Variants in AGPAT4 observed in about 807,000 individuals in gnomAD.
AGPAT4 encodes the protein 1-acyl-sn-glycerol-3-phosphate acyltransferase delta.
Under a neutral mutation model 48.0 loss-of-function variants are expected in AGPAT4, and 15 were observed. That is an observed-to-expected ratio of 0.31 (90% CI 0.21 to 0.48). The LOEUF is 0.48. Ranked by LOEUF, AGPAT4 falls within the 20% of genes least tolerant of loss-of-function variation. AGPAT4 has a pLI of 0.99. For missense variants in AGPAT4, 314 were observed against 482.5 expected (o/e 0.65, Z 3.27); for synonymous variants, 178 against 198.7 (o/e 0.90, Z 0.88).
At chr6:161,263,247 A>C (rs931592041) in intron 1 of AGPAT4, among the ~76,000 whole-genome samples, 1 of 152,190 alleles carries the variant, frequency 6.6e-6, no homozygotes, top group Admixed American at 6.5e-5. Flanking sequence ...GCTCTCTTTA[A>C]AAAGACAAAC....
chr6:161,246,580 T>C lies in AGPAT4; in HGVS notation c.-89-14278A>G, dbSNP rs1275916253. On this transcript the variant is annotated intron_variant, in intron 1 of 8. Transcript: ENST00000320285. This position sits in a 1 kb window ranked among gnomAD's most constrained non-coding sequence, Gnocchi z 5.5. ...ATGCGCCACCACGCCCAGCTAATTT[T>C]GTATTTTTAGTCTAGATGGGGTTTC... Among the ~76,000 whole-genome samples, 1 of 152,162 alleles carries C rather than the reference T, an allele frequency of 6.6e-6. No individual in the cohort carries two copies. The highest frequency in any genetic ancestry group is 2.4e-5 in the African/African-American group (1 of 41,438).
intron 1 of AGPAT4, among the ~76,000 whole-genome samples, chr6:161,257,792 A>T (rs1195431859): frequency 6.6e-6 from 1 of 152,214 alleles, no homozygotes; most frequent in Non-Finnish European, 1.5e-5. Context: ...TTTCATATGG[A>T]AGTGAATACA....
At position 161,218,869 on chromosome 6, in the gene AGPAT4, A is replaced by G. The variant is rs976507389; in HGVS notation, c.178+13167T>C. On this transcript the variant is annotated intron_variant, in intron 2 of 8. Transcript: ENST00000320285. This position sits in a 1 kb window ranked among gnomAD's most constrained non-coding sequence, Gnocchi z 4.7. ...TGTATCTACCAAACAGTATGATAAA[A>G]CACTGTATCTACCAAACAGTATGAT... Among the ~76,000 whole-genome samples the G allele has an allele frequency of 8.5e-5, 13 of 152,236 alleles. No homozygotes were observed. The highest frequency in any genetic ancestry group is 7.9e-4 in the Admixed American group (12 of 15,286).
chr6:161,223,118 A>G lies in AGPAT4; in HGVS notation c.178+8918T>C, dbSNP rs1583344250. Among the ~76,000 whole-genome samples the G allele has an allele frequency of 1.3e-5, 2 of 151,994 alleles. No homozygotes were observed. Among genetic ancestry groups the G allele is most frequent in the Admixed American group, 1.3e-4 (2 of 15,264 alleles). ...AGTCTAATCATCAACTCACTGCTCT[A>G]CCATGCTGGGTCTATGAGCCTTCTC... On this transcript the variant is annotated intron_variant, in intron 2 of 8. Transcript: ENST00000320285. The surrounding 1 kb of genome is among the most constrained non-coding windows in gnomAD (Gnocchi z 6.3).
rs1782659371 is a variant in AGPAT4, at chr6:161,246,711, A to T, written c.-89-14409T>A. Among the ~76,000 whole-genome samples, 1 of 152,188 alleles carries T rather than the reference A, an allele frequency of 6.6e-6. No individual in the cohort carries two copies. The highest frequency in any genetic ancestry group is 1.9e-4 in the East Asian group (1 of 5,202). On this transcript the variant is annotated intron_variant, in intron 1 of 8. Transcript: ENST00000320285. This position sits in a 1 kb window ranked among gnomAD's most constrained non-coding sequence, Gnocchi z 5.5. ...AGCCCCTTGCTAGGTTTTAAGTGGT[A>T]AGTACCATGCCCAATAAACTAAAGC...
chr6:161,201,500 T>A lies in AGPAT4; in HGVS notation c.178+30536A>T, dbSNP rs533111081. 9.8e-5 allele frequency among the ~76,000 whole-genome samples: 15 copies of A among 152,342 alleles called. No individual in the cohort carries two copies. The South Asian group carries it at 2.1e-3, about 21-fold the overall frequency. On this transcript the variant is annotated intron_variant, in intron 2 of 8. Transcript: ENST00000320285. The surrounding 1 kb of genome is among the most constrained non-coding windows in gnomAD (Gnocchi z 6.0). ...TAGTTACTTCTGGTTTTCAAGGCTG[T>A]CATCCAAATTTCCCCACCATGAGCT...
rs1190824458 is a variant in AGPAT4 at position 161,164,499 on chromosome 6, G to A, written c.348+1749C>T. Among the ~76,000 whole-genome samples, 1 of 152,162 alleles carries A rather than the reference G, an allele frequency of 6.6e-6. No individual in the cohort carries two copies. The highest frequency in any genetic ancestry group is 1.5e-5 in the Non-Finnish European group (1 of 68,032). ...AGCTGGTCTGGGTCGTTTTAGGATG[G>A]TCAGGGTCCTGTTTCTGGAGCAGGT... is the stretch of plus-strand genomic sequence containing the variant. On this transcript the variant is annotated intron_variant, in intron 3 of 8. Transcript: ENST00000320285. The surrounding 1 kb of genome is among the most constrained non-coding windows in gnomAD (Gnocchi z 7.4).
intron 2 of AGPAT4, among the ~76,000 whole-genome samples, chr6:161,183,599 G>A (rs1218867281): frequency 2.9e-5 from 4 of 137,438 alleles, no homozygotes; most frequent in Non-Finnish European, 6.2e-5. Flanking sequence ...CAGCCTGGGC[G>A]ACAGAGAGAA....
In AGPAT4 at chr6:161,200,408, A is replaced by G. The variant is rs1016879938; in HGVS notation, c.178+31628T>C. On this transcript the variant is annotated intron_variant, in intron 2 of 8. Transcript: ENST00000320285. The surrounding 1 kb of genome is among the most constrained non-coding windows in gnomAD (Gnocchi z 5.5). ...GAATTCAGAGAGTTTTATCTTAAAT[A>G]ACATGCCATTTTATCTCCAAATAAC... Among the ~76,000 whole-genome samples the G allele has an allele frequency of 1.3e-5, 2 of 152,230 alleles. No individual in the cohort carries two copies. Among genetic ancestry groups the G allele is most frequent in the Admixed American group, 6.5e-5 (1 of 15,284 alleles).
In AGPAT4 at chr6:161,194,598, ATG is replaced by A. The variant is rs542476872; in HGVS notation, c.179-28183_179-28182del. On this transcript the variant is annotated intron_variant, in intron 2 of 8. Transcript: ENST00000320285. ...TGTGTGTATATATGTGTATGTATGT[ATG>A]TGTGTCTATGTATGTGTACATGTGT... 5.3e-3 allele frequency among the ~76,000 whole-genome samples: 795 copies of A among 149,192 alleles called. 3 individuals are homozygous for A. The highest frequency in any genetic ancestry group is 7.9e-3 in the Non-Finnish European group (535 of 67,770).
intron 1 of AGPAT4, among the ~76,000 whole-genome samples, chr6:161,239,587 G>T (rs1317465727): frequency 6.6e-6 from 1 of 152,150 alleles, no homozygotes; most frequent in African/African-American, 2.4e-5. Flanking sequence ...AGTCCAAGAA[G>T]AATTGCTGAA....
intron 2 of AGPAT4, among the ~76,000 whole-genome samples, chr6:161,185,044 G>C (rs78520131): frequency 6.6e-6 from 1 of 151,550 alleles, no homozygotes; most frequent in South Asian, 2.1e-4. Flanking sequence ...TGGGTGGAGC[G>C]GGGGGTCTGT....
In AGPAT4 at chr6:161,137,780, C is replaced by T. The variant is rs1229778549; in HGVS notation, c.1043-1146G>A. Among the ~76,000 whole-genome samples the T allele has an allele frequency of 6.6e-6, 1 of 151,918 alleles. No individual in the cohort carries two copies. The highest frequency in any genetic ancestry group is 1.5e-5 in the Non-Finnish European group (1 of 67,954). On this transcript the variant is annotated intron_variant, in intron 8 of 8. Transcript: ENST00000320285. This position sits in a 1 kb window ranked among gnomAD's most constrained non-coding sequence, Gnocchi z 6.1. Reference sequence around the variant, plus strand: ...TGCACCCCTCAGATGCTCCTGAAGACTCCCTGTGTCCACACTGCACCCCTC... The same window carrying T: ...TGCACCCCTCAGATGCTCCTGAAGATTCCCTGTGTCCACACTGCACCCCTC...
At position 161,235,997 on chromosome 6, in the gene AGPAT4, T is replaced by C. The variant is rs944202855; in HGVS notation, c.-89-3695A>G. 2.0e-5 allele frequency among the ~76,000 whole-genome samples: 3 copies of C among 152,206 alleles called. No homozygotes were observed. Among genetic ancestry groups the C allele is most frequent in the Non-Finnish European group, 2.9e-5 (2 of 68,038 alleles). On this transcript the variant is annotated intron_variant, in intron 1 of 8. Coordinates refer to ENST00000320285, the MANE Select transcript of AGPAT4 (RefSeq NM_020133.3). The surrounding 1 kb of genome is among the most constrained non-coding windows in gnomAD (Gnocchi z 6.2). ...AACGTGGCAATTAGCCAATTTCATG[T>C]CATGCCGAGGAAAGATGGTATAAAT...
At chr6:161,150,165 G>A (rs576125454) in intron 5 of AGPAT4, among the ~76,000 whole-genome samples, 1 of 152,226 alleles carries the variant, frequency 6.6e-6, no homozygotes, top group South Asian at 2.1e-4. Context: ...AAGAATATAG[G>A]AAGGAACGAG....
At chr6:161,253,838 G>C (rs1782870950) in intron 1 of AGPAT4, among the ~76,000 whole-genome samples, 1 of 152,098 alleles carries the variant, frequency 6.6e-6, no homozygotes, top group Non-Finnish European at 1.5e-5. Context: ...TAATTGCAAA[G>C]AGTATTGCTT....
intron 2 of AGPAT4, among the ~76,000 whole-genome samples, chr6:161,194,653 TG>T (rs1458745526): frequency 6.6e-6 from 1 of 151,958 alleles, no homozygotes; most frequent in African/African-American, 2.4e-5. Flanking sequence ...TGTGTATGTA[TG>T]TATGTGTATG....
intron 1 of AGPAT4, among the ~76,000 whole-genome samples, chr6:161,237,244 G>C (rs1469220716): frequency 6.6e-6 from 1 of 152,190 alleles, no homozygotes; most frequent in Admixed American, 6.5e-5. Flanking sequence ...CAGGCCACTG[G>C]TAGATTAGTA....
In AGPAT4 at chr6:161,143,716, A is replaced by T. The variant is rs1779329279; in HGVS notation, c.843+2808T>A. ...TACTGTGCATTTTTCATAAAGCTAA[A>T]CTAGGTCCACTCAAAGGATGGCCCT... On this transcript the variant is annotated intron_variant, in intron 7 of 8. Transcript: ENST00000320285. This position sits in a 1 kb window ranked among gnomAD's most constrained non-coding sequence, Gnocchi z 4.7. Among the ~76,000 whole-genome samples, 1 of 152,210 alleles carries T rather than the reference A, an allele frequency of 6.6e-6. No homozygotes were observed. The highest frequency in any genetic ancestry group is 2.4e-5 in the African/African-American group (1 of 41,452).
Sources: gnomAD v4.1 joint callset for allele counts (sites outside exome capture counted in the v4.1 genomes callset) on GRCh38, gnomAD v4.1.1 for gene constraint, Gnocchi (gnomAD v3.1) non-coding constraint, MANE v1.5 for transcripts, NCBI Gene and HGNC (gene_info 2026-07-23, HGNC 2026-07-21) for gene names.